Variants in SCTR observed in about 807,000 individuals in gnomAD.
The protein encoded by SCTR is pancreatic secretin receptor.
A neutral mutation model predicts 60.8 loss-of-function variants in SCTR; 56 were observed. The observed-to-expected ratio is 0.92, with a 90% CI of 0.74 to 1.15. The LOEUF (loss-of-function observed/expected upper bound fraction) is 1.15, where lower values mean the gene tolerates loss of function less well. SCTR is among the 50% of genes most tolerant of loss of function. SCTR has a pLI of 0.00. For missense variants in SCTR, 562 were observed against 550.4 expected (o/e 1.02, Z -0.21); for synonymous variants, 202 against 217.0 (o/e 0.93, Z 0.61).
At chr2:119,507,715 G>A (rs1678791421) in intron 1 of SCTR, among the ~76,000 whole-genome samples, 1 of 121,064 alleles carries the variant, frequency 8.3e-6, no homozygotes, top group African/African-American at 3.2e-5. Flanking sequence ...TGGCTCTGTC[G>A]CCCAGGCTAG....
At chr2:119,493,640 T>TC (rs1491142240) in intron 2 of SCTR, among the ~76,000 whole-genome samples, 3 of 90,860 alleles carry the variant, frequency 3.3e-5, no homozygotes, top group Non-Finnish European at 8.1e-5. Flanking sequence ...CCATTCTTCT[T>TC]CTTTTTTTTT....
At chr2:119,443,191 C>G (rs1192202455) in intron 11 of SCTR, among the ~76,000 whole-genome samples, 1 of 152,186 alleles carries the variant, frequency 6.6e-6, no homozygotes, top group Non-Finnish European at 1.5e-5. Flanking sequence ...GTATATAGGG[C>G]AGGCCTCACA....
At chr2:119,488,856 G>A (rs940635280) in intron 2 of SCTR, among the ~76,000 whole-genome samples, 1 of 152,216 alleles carries the variant, frequency 6.6e-6, no homozygotes, top group Non-Finnish European at 1.5e-5. Flanking sequence ...ACATTGAGGA[G>A]TGGGGAGAAT....
chr2:119,451,313 T>C (rs1683160037), intron 9 of SCTR, among the ~76,000 whole-genome samples: 2 of 152,132 alleles, frequency 1.3e-5, no homozygotes, highest in Non-Finnish European at 2.9e-5. Context: ...TGCTGAACCA[T>C]ACCCATGGGC....
chr2:119,481,388 G>C (rs1361563705), intron 2 of SCTR, among the ~76,000 whole-genome samples: 1 of 152,140 alleles, frequency 6.6e-6, no homozygotes, highest in Non-Finnish European at 1.5e-5. Flanking sequence ...GAATGAGCTG[G>C]GTGCCTGTCA....
At chr2:119,511,501 T>C (rs1290992332) in intron 1 of SCTR, among the ~76,000 whole-genome samples, 1 of 152,198 alleles carries the variant, frequency 6.6e-6, no homozygotes, top group Non-Finnish European at 1.5e-5. Context: ...GGTCTATCAT[T>C]ATTGTTTTTT....
chr2:119,459,199 A>G (rs538379530), intron 7 of SCTR, among the ~76,000 whole-genome samples: 1 of 152,346 alleles, frequency 6.6e-6, no homozygotes, highest in African/African-American at 2.4e-5. Flanking sequence ...AAATACATCT[A>G]TATCACATCT....
At position 119,466,492 on chromosome 2, in the gene SCTR, C is replaced by T. The variant is rs377261161; in HGVS notation, c.406-606G>A. ...TCAGGTCGGGTGCGTTGGCTCATGC[C>T]TGTAATCCCAGCACTTTGGGAGTCT... is the stretch of plus-strand genomic sequence containing the variant. On this transcript the variant is annotated intron_variant, in intron 4 of 12. Coordinates refer to ENST00000019103, the MANE Select transcript of SCTR (RefSeq NM_002980.3). Among the ~76,000 whole-genome samples, 12 of 152,212 alleles carry T rather than the reference C, an allele frequency of 7.9e-5. No individual in the cohort carries two copies. In the East Asian group the frequency reaches 1.2e-3, roughly 15 times the overall value.
rs751779879 is a variant in SCTR, at chr2:119,507,663, C to CTT, written c.73-13117_73-13116dup. Among the ~76,000 whole-genome samples, 195 of 114,714 alleles carry CTT rather than the reference C, an allele frequency of 1.7e-3. 1 individual carries two copies. The highest frequency in any genetic ancestry group is 6.2e-3 in the Middle Eastern group (1 of 162). 75.3% of individuals were successfully genotyped at this position (114,714 alleles called of 152,430 possible). A position where few individuals can be genotyped will look rare whatever the true frequency, so the allele number is the denominator to read the frequency against. On this transcript the variant is annotated intron_variant, in intron 1 of 12. Transcript: ENST00000019103. The stretch of plus-strand genomic sequence containing the variant: ...CGCATTCCATTTCCTCTTTCTCGTT[C>CTT]TTTTTTTTTTTTTTTTCTTTTTTTT...
intron 10 of SCTR, 26 bp downstream of exon 10, chr2:119,448,663 T>C: frequency 8.0e-6 from 10 of 1,255,728 alleles, no homozygotes; most frequent in Non-Finnish European, 1.2e-5. Context: ...TGACTGACCA[T>C]GCCTCAGTCT....
chr2:119,508,216 C>T lies in SCTR; in HGVS notation c.73-13668G>A, dbSNP rs181728162. Among the ~76,000 whole-genome samples, 234 of 152,100 alleles carry T rather than the reference C, an allele frequency of 1.5e-3. 1 individual carries two copies. The highest frequency in any genetic ancestry group is 6.8e-3 in the Middle Eastern group (2 of 294). ...TTCTACGTGTGGATATTGCGGTGAA[C>T]CATATTCAACCATGGGGATGGGAGT... On this transcript the variant is annotated intron_variant, in intron 1 of 12. Coordinates refer to ENST00000019103, the MANE Select transcript of SCTR (RefSeq NM_002980.3).
intron 11 of SCTR, among the ~76,000 whole-genome samples, chr2:119,444,196 C>T (rs1411644589): frequency 7.7e-6 from 1 of 129,534 alleles, no homozygotes; most frequent in Non-Finnish European, 1.5e-5. Context: ...AATATATACA[C>T]ATATGTATAT....
chr2:119,455,770 CAG>C (rs1413515246), intron 7 of SCTR, among the ~76,000 whole-genome samples: 3 of 151,936 alleles, frequency 2.0e-5, no homozygotes, highest in Non-Finnish European at 1.5e-5. Flanking sequence ...TTTCAGAAAA[CAG>C]AGGATAAAAA....
intron 1 of SCTR, among the ~76,000 whole-genome samples, chr2:119,523,797 T>C (rs373712893): frequency 8.5e-5 from 13 of 152,208 alleles, no homozygotes; most frequent in South Asian, 8.3e-4. Context: ...ATTACCAGGT[T>C]TCAAGGAAAG....
chr2:119,468,220 C>CA (rs1288745911), intron 4 of SCTR, among the ~76,000 whole-genome samples: 1 of 151,940 alleles, frequency 6.6e-6, no homozygotes, highest in Non-Finnish European at 1.5e-5. Context: ...TATTTATAAC[C>CA]AAAAGAAAAG....
intron 1 of SCTR, among the ~76,000 whole-genome samples, chr2:119,522,754 C>T (rs1449043044): frequency 1.3e-5 from 2 of 152,156 alleles, no homozygotes; most frequent in Non-Finnish European, 2.9e-5. Flanking sequence ...GCTATTGCCT[C>T]TCCCACCCCC....
intron 9 of SCTR, among the ~76,000 whole-genome samples, chr2:119,451,733 A>C (rs1369278105): frequency 6.6e-6 from 1 of 152,248 alleles, no homozygotes; most frequent in African/African-American, 2.4e-5. Context: ...GCCAGTTTAG[A>C]ACAAGGAGCT....
chr2:119,486,143 G>A (rs56126845), intron 2 of SCTR: 2,784 of 152,206 alleles, frequency 0.018, 41 homozygotes, highest in Middle Eastern at 0.051. Flanking sequence ...AAGAGTCTTG[G>A]AACCAGGAAT....
Position 119,453,289 on chromosome 2 carries a change from A to G in SCTR, c.849T>C (p.Val283=), listed in dbSNP as rs1448614230. The part of the protein sequence containing the change: ...WAIARHFLED[V]GCWDINANAS... ...TTATCCTCCTTCCGTTAGCTTACCC[A>G]ACATCTTCCAGAAAGTGTCTGGCAA... The change falls in exon 8 of 13, where the codon GTT becomes GTC. Residue 283 remains valine (V), a splice_region_variant and synonymous_variant. Transcript: ENST00000019103. The G allele has an allele frequency of 1.9e-6, 3 of 1,609,554 alleles. No homozygotes were observed. Among genetic ancestry groups the G allele is most frequent in the Non-Finnish European group, 2.6e-6 (3 of 1,175,854 alleles).
Sources: gnomAD v4.1 joint callset for allele counts (sites outside exome capture counted in the v4.1 genomes callset) on GRCh38, gnomAD v4.1.1 for gene constraint, MANE v1.5 for transcripts, NCBI Gene and HGNC (gene_info 2026-07-23, HGNC 2026-07-21) for gene names.